The following ALPK2 variants were observed in gnomAD, a reference collection of about 807,000 sequenced individuals.
ALPK2 encodes alpha kinase 2.
Under a neutral mutation model 163.1 loss-of-function variants are expected in ALPK2, and 127 were observed. The observed-to-expected ratio is 0.78, with a 90% CI of 0.67 to 0.90. The LOEUF is 0.90. Among genes scored for constraint, ALPK2 ranks in the 40% least tolerant of loss-of-function variants. The pLI is 0.00. For synonymous variants in ALPK2, 953 were observed against 959.1 expected (o/e 0.99, Z 0.12); for missense variants, 2,360 against 2,589.6 (o/e 0.91, Z 1.92).
intron 12 of ALPK2, among the ~76,000 whole-genome samples, chr18:58,489,276 C>T (rs1365688927): frequency 1.3e-5 from 2 of 152,170 alleles, no homozygotes; most frequent in Non-Finnish European, 2.9e-5. Context: ...CAAAGCCGTG[C>T]CGTGCCATTT....
At chr18:58,552,482 G>C (rs1449927300) in intron 4 of ALPK2, among the ~76,000 whole-genome samples, 1 of 152,196 alleles carries the variant, frequency 6.6e-6, no homozygotes, top group Non-Finnish European at 1.5e-5. Context: ...TGCTACAGTA[G>C]AAATAATCTA....
intron 1 of ALPK2, among the ~76,000 whole-genome samples, chr18:58,621,013 G>T (rs150410757): frequency 3.8e-4 from 57 of 151,964 alleles, no homozygotes; most frequent in African/African-American, 1.4e-3. Flanking sequence ...AAAATTAGCC[G>T]GGTGTGTCGC....
At chr18:58,524,746 A>G (rs1036689487) in intron 6 of ALPK2, among the ~76,000 whole-genome samples, 2 of 152,158 alleles carry the variant, frequency 1.3e-5, no homozygotes, top group African/African-American at 4.8e-5. Flanking sequence ...CCCTCAGAAC[A>G]ACCTAATGAG....
intron 4 of ALPK2, among the ~76,000 whole-genome samples, chr18:58,559,500 T>A (rs761267527): frequency 6.6e-6 from 1 of 152,198 alleles, no homozygotes; most frequent in African/African-American, 2.4e-5. Flanking sequence ...CTCAGAAGAC[T>A]TTCTCCTGGA....
intron 4 of ALPK2, among the ~76,000 whole-genome samples, chr18:58,562,032 G>A (rs962255961): frequency 2.0e-5 from 3 of 152,112 alleles, no homozygotes; most frequent in Non-Finnish European, 2.9e-5. Context: ...ACCTTCACCC[G>A]CTTCAATTTG....
chr18:58,616,824 G>GTA (rs2052171649), intron 1 of ALPK2, among the ~76,000 whole-genome samples: 1 of 152,190 alleles, frequency 6.6e-6, no homozygotes, highest in South Asian at 2.1e-4. Context: ...TTAACCCCAA[G>GTA]AGGTGCTCAT....
intron 4 of ALPK2, among the ~76,000 whole-genome samples, chr18:58,564,559 G>GT (rs796675376): frequency 1.1e-3 from 154 of 144,502 alleles, no homozygotes; most frequent in Middle Eastern, 3.6e-3. Flanking sequence ...ACATCATCAG[G>GT]TTTTTTTTTT....
chr18:58,503,818 G>A, intron 11 of ALPK2, 113 bp downstream of exon 11: 1 of 939,024 alleles, frequency 1.1e-6, no homozygotes, highest in East Asian at 2.5e-5. Context: ...AGGTAAAGGT[G>A]TTTCAAGGTA....
At position 58,534,860 on chromosome 18, in the gene ALPK2, T is replaced by C. The variant is rs764525683; in HGVS notation, c.5327A>G (p.Lys1776Arg). Residue 1776 changes from lysine to arginine, a missense_variant, in exon 5 of 13, where the codon AAG becomes AGG. Physicochemically the swap from Lys to Arg is conservative, Grantham distance 26. Transcript: ENST00000361673. Reference sequence around the variant, plus strand: ...TCTTCCTTCTCTTTTGCAAGATGGCTTTTTTGGGTCTTGTTTCTCTTCTGT... The same window carrying C: ...TCTTCCTTCTCTTTTGCAAGATGGCCTTTTTGGGTCTTGTTTCTCTTCTGT... ...SHTEEKQDPKKPSCKREGRAP... is the reference protein window; with the variant it reads ...SHTEEKQDPKRPSCKREGRAP... The C allele has an allele frequency of 6.2e-7, 1 of 1,600,108 alleles. No individual in the cohort carries two copies. The highest frequency in any genetic ancestry group is 1.1e-5 in the South Asian group (1 of 89,768).
intron 1 of ALPK2, among the ~76,000 whole-genome samples, chr18:58,613,399 C>T (rs2052144975): frequency 1.3e-5 from 2 of 152,010 alleles, no homozygotes; most frequent in South Asian, 2.1e-4. Context: ...AGCATTAAAC[C>T]AAAGACAGCA....
In ALPK2 at chr18:58,535,851, C is replaced by T. The variant is rs539279339; in HGVS notation, c.4336G>A (p.Glu1446Lys). The T allele has an allele frequency of 1.3e-5, 21 of 1,614,204 alleles. No homozygotes were observed. The South Asian group carries it at 2.2e-4, about 17-fold the overall frequency. ...SNDGNMGHEA[E>K]IQPAILQVPC... The stretch of plus-strand genomic sequence containing the variant: ...ACTTGCAAAATGGCCGGCTGGATTT[C>T]CGCTTCGTGGCCCATGTTTCCGTCA... The change falls in exon 5 of 13, where the codon GAA (glutamate) becomes AAA (lysine). Residue 1446 changes from glutamate (E) to lysine (K), a missense_variant. Physicochemically the swap from Glu to Lys is moderately conservative, Grantham distance 56 (BLOSUM62 1). Transcript: ENST00000361673.
chr18:58,525,254 T>C (rs1446473717), intron 6 of ALPK2, among the ~76,000 whole-genome samples: 1 of 152,206 alleles, frequency 6.6e-6, no homozygotes, highest in Non-Finnish European at 1.5e-5. Context: ...CACTAAACCA[T>C]TCTACTTCCT....
At chr18:58,497,298 C>T (rs2051405600) in intron 12 of ALPK2, among the ~76,000 whole-genome samples, 1 of 152,192 alleles carries the variant, frequency 6.6e-6, no homozygotes, top group Admixed American at 6.5e-5. Context: ...TACAGATGGT[C>T]TTAGTACGTA....
At chr18:58,523,509 G>A (rs540821866) in intron 8 of ALPK2, among the ~76,000 whole-genome samples, 1 of 152,266 alleles carries the variant, frequency 6.6e-6, no homozygotes, top group East Asian at 1.9e-4. Flanking sequence ...CACAATGGTT[G>A]AACTAGTTTA....
chr18:58,620,821 A>T (rs1282965673), intron 1 of ALPK2, among the ~76,000 whole-genome samples: 1 of 152,210 alleles, frequency 6.6e-6, no homozygotes, highest in Admixed American at 6.5e-5. Flanking sequence ...TATCTAAAGA[A>T]TGGAATCTTT....
At chr18:58,548,119 T>C (rs2051728590) in intron 4 of ALPK2, among the ~76,000 whole-genome samples, 1 of 152,196 alleles carries the variant, frequency 6.6e-6, no homozygotes, top group Non-Finnish European at 1.5e-5. Flanking sequence ...AGTGTGGGCT[T>C]CAAAGTGTAC....
chr18:58,578,736 A>ACACACACGCGCGCGCGCGCACG (rs773192836), intron 4 of ALPK2, 78 bp downstream of exon 4: 18 of 760,804 alleles, frequency 2.4e-5, no homozygotes, highest in South Asian at 3.9e-5. Flanking sequence ...AGGAAGAGAC[A>ACACACACGCGCGCGCGCGCACG]CACACACACA....
At chr18:58,619,512 G>A (rs571143301) in intron 1 of ALPK2, among the ~76,000 whole-genome samples, 13 of 152,238 alleles carry the variant, frequency 8.5e-5, no homozygotes, top group Non-Finnish European at 1.6e-4. Context: ...TCCATTTCCC[G>A]TTTGCCCCGA....
At position 58,535,346 on chromosome 18, in the gene ALPK2, G is replaced by A. The variant is rs762488082; in HGVS notation, c.4841C>T (p.Pro1614Leu). 6.2e-7 allele frequency: 1 copy of A among 1,614,154 alleles called. No individual in the cohort carries two copies. Among genetic ancestry groups the A allele is most frequent in the East Asian group, 2.2e-5 (1 of 44,886 alleles). The change falls in exon 5 of 13, where the codon CCT becomes CTT. Residue 1614 changes from proline to leucine, a missense_variant. Pro to Leu is a moderately conservative substitution (Grantham distance 98, BLOSUM62 -3). Coordinates refer to ENST00000361673, the MANE Select transcript of ALPK2 (RefSeq NM_052947.4). The stretch of plus-strand genomic sequence containing the variant: ...CAAAAAGTCTGTGACATTTCCTTCA[G>A]GAGATGAAGTACAAGGGAACCTGGT... ...DLTRFPCTSS[P>L]EGNVTDFLIS...
Sources: gnomAD v4.1 joint callset for allele counts (sites outside exome capture counted in the v4.1 genomes callset) on GRCh38, gnomAD v4.1.1 for gene constraint, MANE v1.5 for transcripts, NCBI Gene and HGNC (gene_info 2026-07-23, HGNC 2026-07-21) for gene names.